ATXN7: variants seen among roughly 807,000 people sequenced by gnomAD.
The protein encoded by ATXN7 is ataxin-7.
Under a neutral mutation model 70.5 loss-of-function variants are expected in ATXN7, and 12 were observed. The ratio of observed to expected loss-of-function variants is 0.17; its 90% CI spans 0.11 to 0.28. The LOEUF (loss-of-function observed/expected upper bound fraction) is 0.28, where lower values mean the gene tolerates loss of function less well. Among genes scored for constraint, ATXN7 ranks in the 10% least tolerant of loss-of-function variants. The pLI is 1.00. For synonymous variants in ATXN7, 498 were observed against 448.7 expected (o/e 1.11, Z -1.39); for missense variants, 1,256 against 1,131.7 (o/e 1.11, Z -1.58).
Position 63,864,096 on chromosome 3 carries a change from C to A in ATXN7, c.-173C>A, listed in dbSNP as rs1160853087. Reference sequence around the variant, plus strand: ...GCTGCAGCCCGGGCTCCCGCCGCCCCCCTTGCAGCCCCCGCCCGGCCCACG... The same window carrying A: ...GCTGCAGCCCGGGCTCCCGCCGCCCACCTTGCAGCCCCCGCCCGGCCCACG... On this transcript the variant is annotated 5_prime_UTR_variant, in exon 1 of 13. Coordinates refer to ENST00000674280, the MANE Select transcript of ATXN7 (RefSeq NM_001377405.1). 6.8e-6 allele frequency among the ~76,000 whole-genome samples: 1 copy of A among 146,730 alleles called. No homozygotes were observed. Among genetic ancestry groups the A allele is most frequent in the Admixed American group, 6.7e-5 (1 of 14,822 alleles).
At chr3:63,936,974 C>A (rs1411992550) in intron 4 of ATXN7, among the ~76,000 whole-genome samples, 4 of 152,090 alleles carry the variant, frequency 2.6e-5, no homozygotes, top group African/African-American at 9.7e-5. Flanking sequence ...AAGTGTTCTA[C>A]AACTGAAACT....
At chr3:63,878,930 C>T (rs976583557) in intron 1 of ATXN7, among the ~76,000 whole-genome samples, 26 of 152,136 alleles carry the variant, frequency 1.7e-4, no homozygotes, top group Non-Finnish European at 3.2e-4. Flanking sequence ...CTTCTATTGG[C>T]CAGACTCACC....
At chr3:63,912,974 C>G (rs774791610) in intron 3 of ATXN7, 51 bp downstream of exon 3, 4 of 1,273,784 alleles carry the variant, frequency 3.1e-6, no homozygotes, top group African/African-American at 3.2e-5. Context: ...ACCCCCTCCT[C>G]TCTCCTCCCC....
intron 4 of ATXN7, among the ~76,000 whole-genome samples, chr3:63,947,615 A>G (rs569614824): frequency 2.0e-5 from 3 of 152,168 alleles, no homozygotes; most frequent in African/African-American, 7.2e-5. Context: ...ATTTGAAGAG[A>G]TTGTATAACT....
intron 1 of ATXN7, among the ~76,000 whole-genome samples, chr3:63,877,712 C>T (rs1702788992): frequency 1.3e-5 from 2 of 152,142 alleles, no homozygotes; most frequent in South Asian, 2.1e-4. Context: ...TTATCAACCC[C>T]GTGGAAAAAT....
At chr3:63,953,686 T>C (rs2074992287) in intron 5 of ATXN7, among the ~76,000 whole-genome samples, 1 of 150,962 alleles carries the variant, frequency 6.6e-6, no homozygotes, top group South Asian at 2.1e-4. Context: ...ACGGCCTCTC[T>C]GTCATCCACG....
At chr3:63,979,798 C>T in intron 5 of ATXN7, 117 bp from the exon 6 acceptor site, 1 of 1,409,500 alleles carries the variant, frequency 7.1e-7, no homozygotes, top group Non-Finnish European at 9.7e-7. Context: ...TTTAACATAC[C>T]TTCACTTAAC....
chr3:63,871,023 G>GT (rs1428831525), intron 1 of ATXN7, among the ~76,000 whole-genome samples: 2 of 152,252 alleles, frequency 1.3e-5, no homozygotes. Context: ...TGGCCATTGT[G>GT]TAAGGATGCA....
At chr3:63,886,257 G>A (rs984622899) in intron 1 of ATXN7, among the ~76,000 whole-genome samples, 8 of 152,176 alleles carry the variant, frequency 5.3e-5, no homozygotes, top group African/African-American at 1.9e-4. Context: ...AGTTGGGGGA[G>A]TGGTGAGGGA....
intron 1 of ATXN7, among the ~76,000 whole-genome samples, chr3:63,872,370 C>G (rs1370138302): frequency 2.0e-5 from 3 of 152,184 alleles, no homozygotes; most frequent in Admixed American, 6.5e-5. Context: ...AGTGCCTGGC[C>G]TGAGGTCACT....
rs2074582369 is a variant in ATXN7 at position 63,932,912 on chromosome 3, C to G, written c.395-19467C>G. 2.0e-5 allele frequency among the ~76,000 whole-genome samples: 3 copies of G among 152,168 alleles called. No individual in the cohort carries two copies. The South Asian group carries it at 6.2e-4, about 32-fold the overall frequency. The stretch of plus-strand genomic sequence containing the variant: ...TCTGTCTAATTTTATTCAACTACCA[C>G]CTAGTTTTTGGTATTATGGGTGTGC... On this transcript the variant is annotated intron_variant, in intron 4 of 12. Coordinates refer to ENST00000674280, the MANE Select transcript of ATXN7 (RefSeq NM_001377405.1).
chr3:63,931,813 G>A (rs1261312894), intron 4 of ATXN7, among the ~76,000 whole-genome samples: 2 of 152,108 alleles, frequency 1.3e-5, no homozygotes, highest in African/African-American at 4.8e-5. Flanking sequence ...GGTGACATGG[G>A]TGGCAGATGT....
At position 63,996,086 on chromosome 3, in the gene ATXN7, G is replaced by A. The variant is rs750250697; in HGVS notation, c.2264G>A (p.Ser755Asn). 3 of 1,614,152 alleles carry A rather than the reference G, an allele frequency of 1.9e-6. No individual in the cohort carries two copies. Among genetic ancestry groups the A allele is most frequent in the South Asian group, 2.2e-5 (2 of 91,078 alleles). The change falls in exon 12 of 13, where the codon AGC becomes AAC. Residue 755 changes from serine to asparagine, a missense_variant. Coordinates refer to ENST00000674280, the MANE Select transcript of ATXN7 (RefSeq NM_001377405.1). ...CCCTCAACGGTAACATCTTCCCATAGCATCGGCCTCAACTGTGTGACGAAT... is the reference window on the plus strand; with the variant it reads ...CCCTCAACGGTAACATCTTCCCATAACATCGGCCTCAACTGTGTGACGAAT... ...PYPSTVTSSH[S>N]IGLNCVTNKA...
rs541068130 is a variant in ATXN7 at position 63,990,854 on chromosome 3, A to C, written c.1677A>C (p.Leu559=). ...TGGAGAAGCATCTGAATGCACAGCT[A>C]TGGAAGTGAGTGCCTGTTGTTCTTG... ...LMVEKHLNAQ[L]WKKIPPVPST... Residue 559 remains leucine, a synonymous_variant, in exon 11 of 13, where the codon CTA becomes CTC. Coordinates refer to ENST00000674280, the MANE Select transcript of ATXN7 (RefSeq NM_001377405.1). 6 of 1,614,252 alleles carry C rather than the reference A, an allele frequency of 3.7e-6. 1 individual carries two copies. The highest frequency in any genetic ancestry group is 3.3e-5 in the South Asian group (3 of 91,088).
rs1704002987 is a variant in ATXN7 at position 63,911,213 on chromosome 3, A to AT, written c.-11-1374dup. 2.6e-5 allele frequency among the ~76,000 whole-genome samples: 4 copies of AT among 152,254 alleles called. No individual in the cohort carries two copies. The South Asian group carries it at 8.3e-4, about 32-fold the overall frequency. ...CAAATTTTCACATCAATTTGAGAAA[A>AT]TAGTAATATCAACAATTATTGAAAG... On this transcript the variant is annotated intron_variant, in intron 2 of 12. Transcript: ENST00000674280.
intron 9 of ATXN7, among the ~76,000 whole-genome samples, chr3:63,989,407 G>C (rs547449496): frequency 3.9e-5 from 6 of 152,268 alleles, no homozygotes; most frequent in African/African-American, 1.4e-4. Flanking sequence ...CCTTATTCTT[G>C]TATCACCTCC....
In ATXN7 at chr3:63,990,346, A is replaced by G; in HGVS notation, c.1532A>G (p.Tyr511Cys). The G allele has an allele frequency of 2.5e-6, 4 of 1,614,158 alleles. No individual in the cohort carries two copies. The highest frequency in any genetic ancestry group is 3.4e-6 in the Non-Finnish European group (4 of 1,180,034). ...TCTGTTGAAAAACTGGACTGTCATT[A>G]TTCAGGTCATCATCCTCAGCCAGCA... is the stretch of plus-strand genomic sequence containing the variant. Reference protein sequence around the residue: ...EESVEKLDCHYSGHHPQPASF... With the variant: ...EESVEKLDCHCSGHHPQPASF... Residue 511 changes from tyrosine to cysteine, a missense_variant, in exon 10 of 13, where the codon TAT (tyrosine) becomes TGT (cysteine). By Grantham distance (194) the Tyr-to-Cys change is radical. Coordinates refer to ENST00000674280, the MANE Select transcript of ATXN7 (RefSeq NM_001377405.1).
At chr3:63,901,340 T>G (rs571260346) in intron 2 of ATXN7, 1 of 152,338 alleles carries the variant, frequency 6.6e-6, no homozygotes, top group East Asian at 1.9e-4. Flanking sequence ...AGTAAGCATG[T>G]TTTGCAGCTG....
chr3:63,908,307 A>T lies in ATXN7; in HGVS notation c.-11-4281A>T, dbSNP rs1703908559. ...GTACTTCACTAGAGGGAGCATAGTT[A>T]AGGAAAGGCATGCCCCTTGTGCAGA... is the stretch of plus-strand genomic sequence containing the variant. On this transcript the variant is annotated intron_variant, in intron 2 of 12. Transcript: ENST00000674280. 2.0e-5 allele frequency among the ~76,000 whole-genome samples: 3 copies of T among 152,224 alleles called. No homozygotes were observed. In the South Asian group the frequency reaches 6.2e-4, roughly 31 times the overall value.
Sources: allele counts gnomAD v4.1 joint callset (sites outside exome capture counted in the v4.1 genomes callset), GRCh38; gene constraint gnomAD v4.1.1; transcripts MANE v1.5; gene names NCBI Gene and HGNC (gene_info 2026-07-23, HGNC 2026-07-21).